Variants in AK5 observed in about 807,000 individuals in gnomAD.
The protein encoded by AK5 is adenylate kinase isoenzyme 5.
A neutral mutation model predicts 69.5 loss-of-function variants in AK5; 27 were observed. That is an observed-to-expected ratio of 0.39 (90% CI 0.29 to 0.54). AK5 has a LOEUF of 0.54. AK5 is among the 20% of genes least tolerant of loss of function. AK5 has a pLI of 0.71. For synonymous variants in AK5, 260 were observed against 244.4 expected (o/e 1.06, Z -0.60); for missense variants, 531 against 700.4 (o/e 0.76, Z 2.73).
rs10643921 is a variant in AK5 at position 77,357,992 on chromosome 1, A to AGTGTGTGTGTGTGTGTGTGT, written c.891+17432_891+17451dup. 8.7e-3 allele frequency among the ~76,000 whole-genome samples: 1,053 copies of AGTGTGTGTGTGTGTGTGTGT among 121,034 alleles called. 10 individuals carry two copies. Among genetic ancestry groups the AGTGTGTGTGTGTGTGTGTGT allele is most frequent in the Middle Eastern group, 0.017 (4 of 240 alleles). The allele number at this position is 121,034 out of a possible 152,430, so 79.4% of individuals were successfully genotyped here. On this transcript the variant is annotated intron_variant, in intron 6 of 13. Coordinates refer to ENST00000354567, the MANE Select transcript of AK5 (RefSeq NM_174858.3). ...AAAACATGTAATATTTATGGAGAGT[A>AGTGTGTGTGTGTGTGTGTGT]GTGTGTGTGTGTGTGTGTGTGTGTG...
At chr1:77,377,870 C>T (rs1647350854) in intron 6 of AK5, among the ~76,000 whole-genome samples, 1 of 152,146 alleles carries the variant, frequency 6.6e-6, no homozygotes, top group Admixed American at 6.5e-5. Flanking sequence ...GCCTTTTCCC[C>T]TAGGAGAATG....
chr1:77,449,231 G>A (rs1042817263), intron 8 of AK5, among the ~76,000 whole-genome samples: 6 of 152,186 alleles, frequency 3.9e-5, no homozygotes, highest in African/African-American at 1.2e-4. Flanking sequence ...GAAGAGGGGG[G>A]TATACCCTGC....
At chr1:77,490,762 G>C (rs1655936819) in intron 10 of AK5, among the ~76,000 whole-genome samples, 1 of 150,958 alleles carries the variant, frequency 6.6e-6, no homozygotes, top group Admixed American at 6.6e-5. Context: ...ACCTTTTCTG[G>C]TACATTTCTT....
intron 6 of AK5, among the ~76,000 whole-genome samples, chr1:77,355,902 C>T (rs201711815): frequency 2.2e-5 from 3 of 134,374 alleles, no homozygotes; most frequent in Admixed American, 7.5e-5. Flanking sequence ...CACACACACA[C>T]ACATATATAT....
intron 5 of AK5, among the ~76,000 whole-genome samples, chr1:77,306,930 T>C (rs528564126): frequency 3.8e-4 from 58 of 152,216 alleles, no homozygotes; most frequent in African/African-American, 1.2e-3. Flanking sequence ...GTATCAGTTG[T>C]AATGTCTTCA....
chr1:77,437,436 A>T (rs1175635916), intron 8 of AK5, among the ~76,000 whole-genome samples: 2 of 152,174 alleles, frequency 1.3e-5, no homozygotes, highest in East Asian at 3.8e-4. Context: ...ATAAAAGGAC[A>T]GTTGAATCCA....
At position 77,282,457 on chromosome 1, in the gene AK5, A is replaced by G. The variant is rs371398698; in HGVS notation, c.60+84A>G. 721 of 1,472,254 alleles carry G rather than the reference A, an allele frequency of 4.9e-4. 7 individuals carry two copies. The East Asian group carries it at 0.017, about 35-fold the overall frequency. The allele number at this position is 1,472,254 out of a possible 1,614,324, so 91.2% of individuals were successfully genotyped here. A position where few individuals can be genotyped will look rare whatever the true frequency, so the allele number is the denominator to read the frequency against. On this transcript the variant is annotated intron_variant, in intron 1 of 13. Coordinates refer to ENST00000354567, the MANE Select transcript of AK5 (RefSeq NM_174858.3). The stretch of plus-strand genomic sequence containing the variant: ...GGTTGAGGCAGCCGCGCCCCGTCCC[A>G]CCTTCCCCACACGGGGCATGTAATG...
chr1:77,464,911 A>AG (rs1474009473), intron 8 of AK5, among the ~76,000 whole-genome samples: 1 of 152,110 alleles, frequency 6.6e-6, no homozygotes, highest in Non-Finnish European at 1.5e-5. Context: ...AACAAGGGAG[A>AG]GCGAATATCC....
intron 5 of AK5, among the ~76,000 whole-genome samples, chr1:77,325,172 T>G (rs904925744): frequency 2.6e-5 from 4 of 151,364 alleles, no homozygotes; most frequent in East Asian, 1.9e-4. Flanking sequence ...TTTTTTTTTT[T>G]TTTTGTATTT....
chr1:77,520,202 C>CAAAAAA (rs377135288), intron 11 of AK5, among the ~76,000 whole-genome samples: 1 of 110,568 alleles, frequency 9.0e-6, no homozygotes, highest in Non-Finnish European at 1.9e-5. Context: ...AACTCCATCT[C>CAAAAAA]AAAAAAAAAA....
At chr1:77,526,465 CTTTTTTTTTTTTT>C (rs917395853) in intron 12 of AK5, among the ~76,000 whole-genome samples, 12 of 84,672 alleles carry the variant, frequency 1.4e-4, no homozygotes, top group Admixed American at 3.7e-4. Flanking sequence ...GAATAAAAGT[CTTTTTTTTTTTTT>C]TTTTTTTTTT....
intron 8 of AK5, among the ~76,000 whole-genome samples, chr1:77,432,657 G>A (rs1448062662): frequency 6.6e-6 from 1 of 152,178 alleles, no homozygotes. Flanking sequence ...TTGTTACTGT[G>A]TGACCCATTT....
intron 10 of AK5, among the ~76,000 whole-genome samples, chr1:77,499,869 CATTT>C (rs1482427355): frequency 0.014 from 1,124 of 78,666 alleles, 145 homozygotes; most frequent in African/African-American, 0.032. Flanking sequence ...GCCCTTTTTC[CATTT>C]TTTTTTTTTT....
intron 8 of AK5, among the ~76,000 whole-genome samples, chr1:77,422,051 T>A (rs1348094130): frequency 6.6e-6 from 1 of 152,194 alleles, no homozygotes; most frequent in Non-Finnish European, 1.5e-5. Context: ...TTCTTCCTTC[T>A]GTTCTTCCTA....
intron 10 of AK5, among the ~76,000 whole-genome samples, chr1:77,490,142 A>G (rs1384167290): frequency 1.3e-5 from 2 of 152,218 alleles, no homozygotes; most frequent in Non-Finnish European, 2.9e-5. Flanking sequence ...CAAAATTGCA[A>G]TTGGAATTCC....
chr1:77,470,490 G>A (rs936322010), intron 8 of AK5, among the ~76,000 whole-genome samples: 3 of 152,106 alleles, frequency 2.0e-5, no homozygotes, highest in Admixed American at 1.3e-4. Flanking sequence ...GGATGACAGA[G>A]TGAGACCCTG....
intron 7 of AK5, 126 bp downstream of exon 7, chr1:77,411,197 T>G: frequency 4.1e-6 from 3 of 729,728 alleles, no homozygotes; most frequent in Admixed American, 3.0e-5. Context: ...GTCTTATACT[T>G]TCTGGTATAA....
chr1:77,468,353 C>T (rs1654271255), intron 8 of AK5, among the ~76,000 whole-genome samples: 1 of 152,238 alleles, frequency 6.6e-6, no homozygotes, highest in Non-Finnish European at 1.5e-5. Context: ...GCAGACACAT[C>T]AGTGAGACAC....
chr1:77,557,519 G>C (rs533218525), intron 13 of AK5, among the ~76,000 whole-genome samples: 5 of 152,268 alleles, frequency 3.3e-5, no homozygotes, highest in Admixed American at 3.3e-4. Flanking sequence ...AGAAGGGGCA[G>C]TACTTTCGTG....
Sources: allele counts gnomAD v4.1 joint callset (sites outside exome capture counted in the v4.1 genomes callset), GRCh38; gene constraint gnomAD v4.1.1; transcripts MANE v1.5; gene names NCBI Gene and HGNC (gene_info 2026-07-23, HGNC 2026-07-21).